The following ADAMTSL1 variants were observed in gnomAD, a reference collection of about 807,000 sequenced individuals.
The protein encoded by ADAMTSL1 is ADAMTS like 1.
Under a neutral mutation model 201.8 loss-of-function variants are expected in ADAMTSL1, and 126 were observed. That is an observed-to-expected ratio of 0.62 (90% confidence interval 0.54 to 0.72). The LOEUF (loss-of-function observed/expected upper bound fraction) is 0.72, where lower values mean the gene tolerates loss of function less well. Among genes scored for constraint, ADAMTSL1 ranks in the 30% least tolerant of loss-of-function variants. The probability of loss-of-function intolerance (pLI) is 0.00; values close to 1 mark genes in which losing one functional copy is unlikely to be tolerated. For missense variants in ADAMTSL1, 2,679 were observed against 2,277.8 expected, an observed-to-expected ratio of 1.18 and a Z score of -3.59; for synonymous variants, 1,121 against 903.4, an observed-to-expected ratio of 1.24 and a Z score of -4.32.
intron 1 of ADAMTSL1, among the ~76,000 whole-genome samples, chr9:17,957,402 G>A (rs949757211): frequency 6.6e-6 from 1 of 152,074 alleles, no homozygotes; most frequent in African/African-American, 2.4e-5. Context: ...CAATGGACTC[G>A]ACAGATGCCA....
chr9:18,428,720 T>C (rs1263007994), intron 2 of ADAMTSL1, among the ~76,000 whole-genome samples: 1 of 152,226 alleles, frequency 6.6e-6, no homozygotes, highest in Non-Finnish European at 1.5e-5. Context: ...ATCTACATGA[T>C]TTTTGACCAT....
intron 1 of ADAMTSL1, among the ~76,000 whole-genome samples, chr9:18,088,834 C>G (rs952517715): frequency 1.6e-4 from 24 of 152,074 alleles, no homozygotes; most frequent in African/African-American, 5.8e-4. Context: ...GGTGGTTCCT[C>G]AAAAAATTAC....
chr9:18,182,116 C>A (rs902530811), intron 2 of ADAMTSL1, among the ~76,000 whole-genome samples: 6 of 135,570 alleles, frequency 4.4e-5, no homozygotes, highest in African/African-American at 1.7e-4. Flanking sequence ...GGAAGGGGAA[C>A]ATCACACTCT....
intron 1 of ADAMTSL1, among the ~76,000 whole-genome samples, chr9:17,964,516 C>T (rs2811806): frequency 0.72 from 108,911 of 151,972 alleles, 40,278 homozygotes; most frequent in East Asian, 0.94. Flanking sequence ...TTCTGTGTCT[C>T]GACAGTAGTG....
intron 5 of ADAMTSL1, among the ~76,000 whole-genome samples, chr9:18,630,575 G>A (rs965990901): frequency 1.3e-5 from 2 of 152,116 alleles, no homozygotes; most frequent in African/African-American, 4.8e-5. Context: ...TACTTCCAAA[G>A]CTGTAGCCTA....
intron 2 of ADAMTSL1, among the ~76,000 whole-genome samples, chr9:18,374,145 A>C (rs1423932774): frequency 6.6e-6 from 1 of 152,142 alleles, no homozygotes; most frequent in Non-Finnish European, 1.5e-5. Flanking sequence ...AAATGAGCCT[A>C]ATAGGCAGCA....
At chr9:17,982,862 GCA>G (rs1818765697) in intron 1 of ADAMTSL1, among the ~76,000 whole-genome samples, 2 of 151,606 alleles carry the variant, frequency 1.3e-5, no homozygotes, top group Non-Finnish European at 2.9e-5. Context: ...CAAGATAATG[GCA>G]GTTCTCACTT....
intron 20 of ADAMTSL1, among the ~76,000 whole-genome samples, chr9:18,795,883 C>G (rs201760368): frequency 6.6e-6 from 1 of 152,224 alleles, no homozygotes; most frequent in East Asian, 1.9e-4. Context: ...ATTGAAGACT[C>G]TTTTGGATCC....
chr9:18,050,111 A>C (rs187501925), intron 1 of ADAMTSL1, among the ~76,000 whole-genome samples: 13 of 152,296 alleles, frequency 8.5e-5, no homozygotes, highest in African/African-American at 3.1e-4. Flanking sequence ...TTTTCTTACA[A>C]CCTAGTATAA....
At chr9:18,478,016 C>T (rs532543932) in intron 1 of ADAMTSL1, among the ~76,000 whole-genome samples, 2 of 152,228 alleles carry the variant, frequency 1.3e-5, no homozygotes, top group South Asian at 4.1e-4. Flanking sequence ...TAAATAAATG[C>T]ATGTATGTAT....
At chr9:17,940,413 A>G (rs181066256) in intron 1 of ADAMTSL1, among the ~76,000 whole-genome samples, 2 of 152,118 alleles carry the variant, frequency 1.3e-5, no homozygotes, top group Admixed American at 6.6e-5. Flanking sequence ...ATTGAATTCA[A>G]TGGCCAAGTA....
intron 1 of ADAMTSL1, among the ~76,000 whole-genome samples, chr9:18,109,699 C>G (rs527634761): frequency 6.6e-6 from 1 of 152,312 alleles, no homozygotes; most frequent in South Asian, 2.1e-4. Flanking sequence ...ACCCCCTTTA[C>G]CAAAATCTTG....
At chr9:18,619,579 T>G (rs947128993) in intron 4 of ADAMTSL1, among the ~76,000 whole-genome samples, 15 of 152,204 alleles carry the variant, frequency 9.9e-5, no homozygotes, top group Non-Finnish European at 2.9e-5. Flanking sequence ...CACCTCCTAT[T>G]TAGCTATTCC....
chr9:18,216,322 A>G (rs914166876), intron 2 of ADAMTSL1, among the ~76,000 whole-genome samples: 2 of 152,210 alleles, frequency 1.3e-5, no homozygotes, highest in Non-Finnish European at 2.9e-5. Flanking sequence ...GCATTGTGGT[A>G]TAGTATTTCA....
At chr9:18,018,282 A>G (rs768426437) in intron 1 of ADAMTSL1, among the ~76,000 whole-genome samples, 8 of 152,054 alleles carry the variant, frequency 5.3e-5, no homozygotes, top group Non-Finnish European at 1.0e-4. Context: ...AGCATTTTTT[A>G]TGTTTAACTC....
chr9:18,536,683 C>G (rs776246429), intron 3 of ADAMTSL1, among the ~76,000 whole-genome samples: 1 of 152,124 alleles, frequency 6.6e-6, no homozygotes, highest in Non-Finnish European at 1.5e-5. Context: ...TCTAAGGAAG[C>G]AGCAAGGTGC....
chr9:18,299,160 G>C (rs2132719869), intron 2 of ADAMTSL1, among the ~76,000 whole-genome samples: 1 of 152,252 alleles, frequency 6.6e-6, no homozygotes, highest in South Asian at 2.1e-4. Flanking sequence ...TCTTAGAGGA[G>C]TGGGTAAGCT....
At chr9:18,633,623 T>G (rs937783133) in intron 5 of ADAMTSL1, among the ~76,000 whole-genome samples, 2 of 148,990 alleles carry the variant, frequency 1.3e-5, no homozygotes, top group Non-Finnish European at 3.0e-5. Context: ...AGAAGCTCTG[T>G]AGGCCTAATC....
intron 2 of ADAMTSL1, among the ~76,000 whole-genome samples, chr9:18,305,333 C>T (rs1833868344): frequency 6.6e-6 from 1 of 152,190 alleles, no homozygotes; most frequent in South Asian, 2.1e-4. Context: ...TCCCCAGTGG[C>T]ACCTGGAAGA....
Sources: allele counts gnomAD v4.1 joint callset (sites outside exome capture counted in the v4.1 genomes callset), GRCh38; gene constraint gnomAD v4.1.1; transcripts MANE v1.5; gene names NCBI Gene and HGNC (gene_info 2026-07-23, HGNC 2026-07-21).